The following PCDHA8 variants were observed in gnomAD, a reference collection of about 807,000 sequenced individuals.
PCDHA8 encodes the protein protocadherin alpha 8.
A neutral mutation model predicts 61.8 loss-of-function variants in PCDHA8; 53 were observed. The ratio of observed to expected loss-of-function variants is 0.86; its 90% CI spans 0.69 to 1.08. PCDHA8 has a LOEUF of 1.08. PCDHA8 is among the 50% of genes least tolerant of loss of function. The probability of loss-of-function intolerance (pLI) is 0.00; values close to 1 mark genes in which losing one functional copy is unlikely to be tolerated. For synonymous variants in PCDHA8, 618 were observed against 556.6 expected (o/e 1.11, Z -1.55); for missense variants, 1,293 against 1,245.0 (o/e 1.04, Z -0.58).
intron 1 of PCDHA8, chr5:140,853,614 A>G (rs1477333407): frequency 1.0e-6 from 1 of 988,026 alleles, no homozygotes; most frequent in Non-Finnish European, 1.2e-6. Flanking sequence ...GGGTGCTGTA[A>G]ATAAGTATAC....
intron 1 of PCDHA8, among the ~76,000 whole-genome samples, chr5:140,961,885 C>G (rs2095640261): frequency 6.7e-6 from 1 of 149,548 alleles, no homozygotes. Context: ...TTACTTACAT[C>G]AGTTTTTTTT....
At chr5:140,856,365 A>G in intron 1 of PCDHA8, 1 of 1,598,426 alleles carries the variant, frequency 6.3e-7, no homozygotes, top group Non-Finnish European at 8.6e-7. Flanking sequence ...ATCCACCTGG[A>G]GGTGATCGTG....
At chr5:140,963,531 TTTAC>T (rs1391697303) in intron 1 of PCDHA8, among the ~76,000 whole-genome samples, 2 of 152,218 alleles carry the variant, frequency 1.3e-5, no homozygotes, top group African/African-American at 4.8e-5. Flanking sequence ...AGAAGTCCCA[TTTAC>T]TTCATGATAT....
At chr5:140,877,599 C>A in intron 1 of PCDHA8, 1 of 1,613,882 alleles carries the variant, frequency 6.2e-7, no homozygotes, top group South Asian at 1.1e-5. Flanking sequence ...CGGTGTCCAG[C>A]CTGCTGGTGC....
rs183230708 is a variant in PCDHA8, at chr5:140,914,004, A to G, written c.2395-64945A>G. Among the ~76,000 whole-genome samples, 112 of 152,288 alleles carry G rather than the reference A, an allele frequency of 7.4e-4. 1 individual carries two copies. Among genetic ancestry groups the G allele is most frequent in the Middle Eastern group, 6.8e-3 (2 of 294 alleles). On this transcript the variant is annotated intron_variant, in intron 1 of 3. Coordinates refer to ENST00000531613, the MANE Select transcript of PCDHA8 (RefSeq NM_018911.3). ...TTGTATTGTGACTAGCATATGGTCT[A>G]TCTTTGAGAATGATCCACGTGCTGA...
chr5:140,953,267 C>G (rs902465304), intron 1 of PCDHA8, among the ~76,000 whole-genome samples: 4 of 152,068 alleles, frequency 2.6e-5, no homozygotes, highest in African/African-American at 4.8e-5. Flanking sequence ...TTAGCTTTAG[C>G]CTTTGCTCTT....
chr5:140,941,202 C>CCTTTCTTCCTTCCTTT (rs1394736170), intron 1 of PCDHA8, among the ~76,000 whole-genome samples: 7 of 122,740 alleles, frequency 5.7e-5, no homozygotes, highest in African/African-American at 1.5e-4. Context: ...TTTCTTTCTT[C>CCTTTCTTCCTTCCTTT]CTTTCTTTCT....
intron 1 of PCDHA8, chr5:140,883,398 G>C: frequency 6.2e-7 from 1 of 1,614,166 alleles, no homozygotes; most frequent in Non-Finnish European, 8.5e-7. Context: ...GTGTCCGATC[G>C]TGACTCTGGC....
Position 140,857,640 on chromosome 5 carries a change from A to T in PCDHA8, c.2394+13925A>T, listed in dbSNP as rs1554150415. The T allele has an allele frequency of 1.3e-6, 2 of 1,596,722 alleles. 1 individual carries two copies. The highest frequency in any genetic ancestry group is 3.4e-5 in the Admixed American group (2 of 59,300). On this transcript the variant is annotated intron_variant, in intron 1 of 3. Coordinates refer to ENST00000531613, the MANE Select transcript of PCDHA8 (RefSeq NM_018911.3). The stretch of plus-strand genomic sequence containing the variant: ...GACCACGAGGAGCTGGAGCTGCTAC[A>T]GTTCCAGGTGAGCGCGCGCGATGGG...
chr5:140,872,829 G>T (rs187637058), intron 1 of PCDHA8, among the ~76,000 whole-genome samples: 6 of 152,156 alleles, frequency 3.9e-5, no homozygotes, highest in African/African-American at 1.4e-4. Flanking sequence ...ATCTAGCAGA[G>T]AAAAAATTAA....
At chr5:140,852,398 C>T (rs150537989) in intron 1 of PCDHA8, 9,331 of 183,690 alleles carry the variant, frequency 0.051, 796 homozygotes, top group Middle Eastern at 0.071. Context: ...CTGCCTCAGC[C>T]TCCTGAGTAG....
rs2150316650 is a variant in PCDHA8, at chr5:140,841,492, G to A, written c.171G>A (p.Ala57=). 2.5e-6 allele frequency: 4 copies of A among 1,613,200 alleles called. No homozygotes were observed. Among genetic ancestry groups the A allele is most frequent in the Middle Eastern group, 1.8e-4 (1 of 5,474 alleles). ...CGCAGGACCTGGGGCTGGAGCTGGC[G>A]GAGCTGGTGCCGCGCCTGTTCCGGG... ...RIAQDLGLEL[A]ELVPRLFRVA... Residue 57 remains alanine, a synonymous_variant, in exon 1 of 4, where the codon GCG becomes GCA. Transcript: ENST00000531613.
chr5:140,884,305 G>C, intron 1 of PCDHA8: 1 of 1,613,720 alleles, frequency 6.2e-7, no homozygotes, highest in African/African-American at 1.3e-5. Flanking sequence ...CACAGGCTTC[G>C]TCGAGGGCGT....
chr5:140,871,762 G>A (rs2053295572), intron 1 of PCDHA8, among the ~76,000 whole-genome samples: 1 of 152,200 alleles, frequency 6.6e-6, no homozygotes, highest in South Asian at 2.1e-4. Flanking sequence ...AGATGCAAGA[G>A]TGACTCTTCT....
chr5:140,971,919 C>G (rs529852735), intron 1 of PCDHA8, among the ~76,000 whole-genome samples: 1 of 152,162 alleles, frequency 6.6e-6, no homozygotes, highest in South Asian at 2.1e-4. Context: ...AGCCACACTG[C>G]TAGTGTTATT....
intron 3 of PCDHA8, among the ~76,000 whole-genome samples, chr5:140,985,205 G>C (rs1554246849): frequency 6.6e-6 from 1 of 152,092 alleles, no homozygotes; most frequent in African/African-American, 2.4e-5. Flanking sequence ...CCAAAGTGTT[G>C]GGATTACAGG....
intron 1 of PCDHA8, chr5:140,967,709 G>A (rs1554229820): frequency 3.1e-6 from 5 of 1,614,022 alleles, no homozygotes; most frequent in Admixed American, 3.3e-5. Flanking sequence ...TGCCAGTACC[G>A]GGGAAGTGCG....
At chr5:140,852,956 C>G (rs2042556592) in intron 1 of PCDHA8, 1 of 438,466 alleles carries the variant, frequency 2.3e-6, no homozygotes, top group Non-Finnish European at 3.1e-6. Flanking sequence ...TTGGCTCACT[C>G]CAAGCTCCCC....
chr5:140,928,525 G>A (rs200642808), intron 1 of PCDHA8: 1 of 1,614,182 alleles, frequency 6.2e-7, no homozygotes, highest in East Asian at 2.2e-5. Context: ...AAACTTGTTT[G>A]TGGTAGATAG....
Sources: gnomAD v4.1 joint callset for allele counts (sites outside exome capture counted in the v4.1 genomes callset) on GRCh38, gnomAD v4.1.1 for gene constraint, MANE v1.5 for transcripts, NCBI Gene and HGNC (gene_info 2026-07-23, HGNC 2026-07-21) for gene names.